The following ABCC1 variants were observed in gnomAD, a reference collection of about 807,000 sequenced individuals.
The protein encoded by ABCC1 is multidrug resistance-associated protein 1.
Under a neutral mutation model 172.9 loss-of-function variants are expected in ABCC1, and 83 were observed. That is an observed-to-expected ratio of 0.48 (90% CI 0.40 to 0.58). The LOEUF (loss-of-function observed/expected upper bound fraction) is 0.58, where lower values mean the gene tolerates loss of function less well. ABCC1 is among the 20% of genes least tolerant of loss of function. The pLI, the probability that ABCC1 is intolerant of heterozygous loss-of-function variation, is 0.00. For synonymous variants in ABCC1, 937 were observed against 825.2 expected, an observed-to-expected ratio of 1.14 and a Z score of -2.32; for missense variants, 1,817 against 2,002.7, an observed-to-expected ratio of 0.91 and a Z score of 1.77.
At chr16:16,016,813 G>A (rs531621949) in intron 5 of ABCC1, among the ~76,000 whole-genome samples, 192 bp downstream of exon 5, 1 of 152,332 alleles carries the variant, frequency 6.6e-6, no homozygotes, top group East Asian at 1.9e-4. Flanking sequence ...GGGAGCTGAA[G>A]GAGAGAATCT....
chr16:16,056,468 A>C, intron 12 of ABCC1, 173 bp downstream of exon 12: 1 of 678,864 alleles, frequency 1.5e-6, no homozygotes, highest in Non-Finnish European at 2.5e-6. Flanking sequence ...GGAGTTCAAG[A>C]CCAGCCTGGC....
At chr16:16,070,489 C>G (rs2050301512) in intron 13 of ABCC1, among the ~76,000 whole-genome samples, 1 of 152,068 alleles carries the variant, frequency 6.6e-6, no homozygotes, top group Non-Finnish European at 1.5e-5. Context: ...ACGGTGAAAC[C>G]CTGTCTCTGC....
At chr16:16,116,380 G>A (rs2044867318) in intron 23 of ABCC1, among the ~76,000 whole-genome samples, 1 of 152,102 alleles carries the variant, frequency 6.6e-6, no homozygotes, top group Non-Finnish European at 1.5e-5. Context: ...CCCAATGGAT[G>A]CCTTAAACTG....
intron 22 of ABCC1, among the ~76,000 whole-genome samples, chr16:16,111,870 G>GA (rs1453715161): frequency 1.3e-5 from 2 of 152,204 alleles, no homozygotes; most frequent in Admixed American, 6.5e-5. Context: ...TGAGGGTTGG[G>GA]AGGACCCCCT....
At chr16:16,059,055 C>T (rs1356723955) in intron 12 of ABCC1, among the ~76,000 whole-genome samples, 1 of 151,782 alleles carries the variant, frequency 6.6e-6, no homozygotes, top group African/African-American at 2.4e-5. Context: ...CTAACATATC[C>T]CTAGGTGCTG....
At chr16:16,006,879 G>A (rs1157648194) in intron 1 of ABCC1, among the ~76,000 whole-genome samples, 2 of 151,232 alleles carry the variant, frequency 1.3e-5, no homozygotes, top group African/African-American at 4.9e-5. Flanking sequence ...GGCGGTGGCG[G>A]TGATGGTGGT....
chr16:16,085,350 C>A (rs1394843521), intron 17 of ABCC1, among the ~76,000 whole-genome samples: 1 of 152,188 alleles, frequency 6.6e-6, no homozygotes, highest in Non-Finnish European at 1.5e-5. Context: ...TCTGGTGTGT[C>A]CCCTCTTGGA....
intron 13 of ABCC1, among the ~76,000 whole-genome samples, chr16:16,069,374 T>G (rs1282108832): frequency 2.0e-5 from 3 of 151,518 alleles, no homozygotes; most frequent in African/African-American, 7.3e-5. Flanking sequence ...GACCCTGTTT[T>G]TTTTTGTTTT....
At chr16:15,979,031 A>C (rs2046557729) in intron 1 of ABCC1, among the ~76,000 whole-genome samples, 1 of 152,088 alleles carries the variant, frequency 6.6e-6, no homozygotes, top group Admixed American at 6.5e-5. Flanking sequence ...GGTGGCTCAC[A>C]CCCGTAGTCC....
chr16:16,039,209 T>TTGTGTGTGTGTG (rs749877499), intron 7 of ABCC1, among the ~76,000 whole-genome samples: 6 of 137,196 alleles, frequency 4.4e-5, no homozygotes, highest in African/African-American at 1.7e-4. Flanking sequence ...GAGGAAGCTT[T>TTGTGTGTGTGTG]TGTGTGTGTG....
At position 16,079,357 on chromosome 16, in the gene ABCC1, C is replaced by T; in HGVS notation, c.1994C>T (p.Thr665Ile). The change falls in exon 16 of 31, where the codon ACC (threonine) becomes ATC (isoleucine). Residue 665 changes from threonine to isoleucine, a missense_variant. Physicochemically the swap from Thr to Ile is moderately conservative, Grantham distance 89. Around this residue, in one of 3 missense-constraint regions of ABCC1, gnomAD observed 1,412 missense variants for 1,600.3 expected, o/e 0.88. Transcript: ENST00000399410. Reference sequence around the variant, plus strand: ...GGTGTGTTGTGTCGTTTCAGCATCACCTTCTCCATCCCCGAAGGTGCTTTG... The same window carrying T: ...GGTGTGTTGTGTCGTTTCAGCATCATCTTCTCCATCCCCGAAGGTGCTTTG... Reference protein sequence around the residue: ...RSDPPTLNGITFSIPEGALVA... With the variant: ...RSDPPTLNGIIFSIPEGALVA... 6.2e-7 allele frequency: 1 copy of T among 1,614,038 alleles called. No individual in the cohort carries two copies. The highest frequency in any genetic ancestry group is 8.5e-7 in the Non-Finnish European group (1 of 1,179,950).
chr16:15,987,009 A>G (rs184343645), intron 1 of ABCC1, among the ~76,000 whole-genome samples: 1 of 152,114 alleles, frequency 6.6e-6, no homozygotes. Context: ...TCCTAAAAAT[A>G]GAAAAATTAC....
At chr16:16,032,982 G>A (rs1442866165) in intron 5 of ABCC1, 127 bp from the exon 6 acceptor site, 1 of 849,344 alleles carries the variant, frequency 1.2e-6, no homozygotes, top group African/African-American at 1.7e-5. Flanking sequence ...GCAGAATGGT[G>A]TGGAGCTGAC....
At chr16:15,976,668 G>A (rs1026824919) in intron 1 of ABCC1, among the ~76,000 whole-genome samples, 3 of 152,160 alleles carry the variant, frequency 2.0e-5, no homozygotes, top group Non-Finnish European at 4.4e-5. Flanking sequence ...ATTTTGGCAC[G>A]TGGCTTTATG....
At chr16:16,077,105 A>G (rs1359037661) in intron 15 of ABCC1, among the ~76,000 whole-genome samples, 1 of 152,114 alleles carries the variant, frequency 6.6e-6, no homozygotes, top group South Asian at 2.1e-4. Context: ...TCCCCAGGCA[A>G]CTTGTCAAGC....
chr16:16,059,158 G>A (rs1403360954), intron 12 of ABCC1, among the ~76,000 whole-genome samples: 1 of 152,134 alleles, frequency 6.6e-6, no homozygotes, highest in Admixed American at 6.5e-5. Context: ...GGCATCACCT[G>A]GTGCTTGTTA....
intron 14 of ABCC1, among the ~76,000 whole-genome samples, chr16:16,073,689 C>T (rs1188346085): frequency 6.6e-6 from 1 of 152,120 alleles, no homozygotes; most frequent in East Asian, 1.9e-4. Context: ...CCCGGGAGTT[C>T]AAGGCTATAG....
intron 12 of ABCC1, among the ~76,000 whole-genome samples, chr16:16,060,265 C>T (rs141218832): frequency 6.6e-6 from 1 of 152,222 alleles, no homozygotes; most frequent in African/African-American, 2.4e-5. Flanking sequence ...TGGGCCCTGT[C>T]CTCCTTCCTC....
rs374394464 is a variant in ABCC1, at chr16:16,024,333, A to G, written c.615+7712A>G. Reference sequence around the variant, plus strand: ...ATCAAGGGTGCAATTATGTGTCACAATAAGGACTTGGAATTTTTTGTTTGT... The same window carrying G: ...ATCAAGGGTGCAATTATGTGTCACAGTAAGGACTTGGAATTTTTTGTTTGT... On this transcript the variant is annotated intron_variant, in intron 5 of 30. Transcript: ENST00000399410. Among the ~76,000 whole-genome samples the G allele has an allele frequency of 1.4e-3, 211 of 152,188 alleles. 3 individuals are homozygous for G. In the South Asian group the frequency reaches 0.042, roughly 30 times the overall value.
Sources: allele counts gnomAD v4.1 joint callset (sites outside exome capture counted in the v4.1 genomes callset), GRCh38; gene constraint gnomAD v4.1.1; regional missense constraint gnomAD v4.1.1; transcripts MANE v1.5; gene names NCBI Gene and HGNC (gene_info 2026-07-23, HGNC 2026-07-21).